Variants in RARB observed in about 807,000 individuals in gnomAD.
RARB encodes the protein HBV-activated protein.
A neutral mutation model predicts 51.9 loss-of-function variants in RARB; 17 were observed. That is an observed-to-expected ratio of 0.33 (90% CI 0.22 to 0.49). The LOEUF is 0.49. RARB is among the 20% of genes least tolerant of loss of function. The probability of loss-of-function intolerance (pLI) is 0.99; values close to 1 mark genes in which losing one functional copy is unlikely to be tolerated. For synonymous variants in RARB, 215 were observed against 195.4 expected, an observed-to-expected ratio of 1.10 and a Z score of -0.84; for missense variants, 369 against 550.8, an observed-to-expected ratio of 0.67 and a Z score of 3.30.
chr3:24,833,622 A>C (rs566323621), intron 1 of RARB, among the ~76,000 whole-genome samples: 6 of 152,352 alleles, frequency 3.9e-5, no homozygotes, highest in Non-Finnish European at 8.8e-5. Context: ...TATCACTACA[A>C]ACAACCTCCT....
chr3:25,265,969 G>T (rs1258097085), intron 5 of RARB, among the ~76,000 whole-genome samples: 1 of 152,008 alleles, frequency 6.6e-6, no homozygotes, highest in Non-Finnish European at 1.5e-5. Context: ...CTCAAAGCTG[G>T]CAACTCTCAA....
chr3:25,032,998 C>T (rs1697906777), intron 2 of RARB, among the ~76,000 whole-genome samples: 1 of 152,222 alleles, frequency 6.6e-6, no homozygotes, highest in Non-Finnish European at 1.5e-5. Context: ...TGTCCCTCAT[C>T]ACACATCAAC....
At position 25,413,749 on chromosome 3, in the gene RARB, A is replaced by G. The variant is rs115569807; in HGVS notation, c.179-47444A>G. The stretch of plus-strand genomic sequence containing the variant: ...CTTAAATTTTATTCCCTGATAACCA[A>G]TGAAGTTGATCATCTTTGCAACCAA... On this transcript the variant is annotated intron_variant, in intron 5 of 11. Coordinates refer to the RARB transcript ENST00000383772. Among the ~76,000 whole-genome samples, 682 of 152,236 alleles carry G rather than the reference A, an allele frequency of 4.5e-3. 7 individuals carry two copies. The highest frequency in any genetic ancestry group is 0.016 in the African/African-American group (654 of 41,528).
intron 5 of RARB, among the ~76,000 whole-genome samples, chr3:25,178,114 C>T (rs921882000): frequency 1.3e-5 from 2 of 151,862 alleles, no homozygotes; most frequent in African/African-American, 2.4e-5. Context: ...ACTCACAATT[C>T]GTAGGGGAAG....
intron 5 of RARB, among the ~76,000 whole-genome samples, chr3:25,339,522 G>C (rs955677866): frequency 6.6e-6 from 1 of 151,828 alleles, no homozygotes; most frequent in Admixed American, 6.6e-5. Context: ...TCAGGAGGCT[G>C]CTGGAATCGC....
chr3:24,890,996 A>G (rs1703367124), intron 2 of RARB, among the ~76,000 whole-genome samples: 1 of 152,224 alleles, frequency 6.6e-6, no homozygotes, highest in Non-Finnish European at 1.5e-5. Context: ...CTAGTAAGCC[A>G]TGGTGCAGCA....
intron 3 of RARB, among the ~76,000 whole-genome samples, chr3:25,110,352 A>AT (rs1382212161): frequency 6.6e-6 from 1 of 152,186 alleles, no homozygotes; most frequent in African/African-American, 2.4e-5. Context: ...TTAAGCCTTG[A>AT]TTTTGTCTCC....
chr3:25,179,539 G>A (rs1700821259), intron 5 of RARB, among the ~76,000 whole-genome samples: 2 of 152,112 alleles, frequency 1.3e-5, no homozygotes, highest in Admixed American at 1.3e-4. Flanking sequence ...TCCTTACATT[G>A]TTAAACCAAA....
intron 2 of RARB, among the ~76,000 whole-genome samples, chr3:24,980,949 G>A (rs549069461): frequency 1.3e-5 from 2 of 152,186 alleles, no homozygotes; most frequent in African/African-American, 4.8e-5. Context: ...ATGGGGTTTT[G>A]GTGTGGATGT....
intron 2 of RARB, among the ~76,000 whole-genome samples, chr3:24,863,049 A>C (rs879549403): frequency 7.9e-5 from 12 of 152,210 alleles, no homozygotes; most frequent in Admixed American, 6.5e-4. Flanking sequence ...ATGGCCAGAA[A>C]GGAGAATAGC....
chr3:25,108,279 G>A (rs745625030), intron 3 of RARB, among the ~76,000 whole-genome samples: 3 of 152,070 alleles, frequency 2.0e-5, no homozygotes, highest in Admixed American at 1.3e-4. Context: ...GGATAAGAGG[G>A]GACTACTGTA....
At chr3:25,511,465 A>G (rs534311012) in intron 3 of RARB, among the ~76,000 whole-genome samples, 5 of 152,172 alleles carry the variant, frequency 3.3e-5, no homozygotes, top group Admixed American at 1.3e-4. Flanking sequence ...CTTTCTATTT[A>G]TGGCAAATGA....
At chr3:25,025,517 C>T (rs2125287210) in intron 2 of RARB, among the ~76,000 whole-genome samples, 1 of 152,098 alleles carries the variant, frequency 6.6e-6, no homozygotes, top group South Asian at 2.1e-4. Context: ...ATGGAACTAG[C>T]CAGGATGGTA....
chr3:24,948,798 C>A (rs1695828448), intron 2 of RARB, among the ~76,000 whole-genome samples: 1 of 152,178 alleles, frequency 6.6e-6, no homozygotes, highest in Non-Finnish European at 1.5e-5. Flanking sequence ...CCTTCTCCCT[C>A]TCTTGCTTCC....
intron 5 of RARB, among the ~76,000 whole-genome samples, chr3:25,174,842 G>A (rs931972509): frequency 2.0e-5 from 3 of 152,142 alleles, no homozygotes; most frequent in Non-Finnish European, 1.5e-5. Flanking sequence ...GAGCATGTGT[G>A]GTTAATATCT....
chr3:25,136,094 T>G (rs1451412070), intron 4 of RARB, among the ~76,000 whole-genome samples: 1 of 151,968 alleles, frequency 6.6e-6, no homozygotes, highest in African/African-American at 2.4e-5. Context: ...TCTTAGAATA[T>G]AAGAATAACG....
intron 3 of RARB, among the ~76,000 whole-genome samples, chr3:25,560,047 A>G (rs997152881): frequency 8.5e-5 from 13 of 152,192 alleles, no homozygotes; most frequent in East Asian, 1.9e-4. Context: ...TAATTGACTA[A>G]TCATATCCAA....
chr3:25,064,989 C>T (rs552973433), intron 3 of RARB, among the ~76,000 whole-genome samples: 7 of 152,222 alleles, frequency 4.6e-5, no homozygotes, highest in African/African-American at 7.2e-5. Context: ...TCAAGGAGTT[C>T]GTGCATAGGA....
intron 2 of RARB, among the ~76,000 whole-genome samples, chr3:25,486,365 T>A (rs1257148961): frequency 6.6e-6 from 1 of 152,166 alleles, no homozygotes; most frequent in Non-Finnish European, 1.5e-5. Flanking sequence ...CAAAGCCAGT[T>A]AAAGGAAGAA....
Sources: gnomAD v4.1 joint callset for allele counts (sites outside exome capture counted in the v4.1 genomes callset) on GRCh38, gnomAD v4.1.1 for gene constraint, MANE v1.5 for transcripts, NCBI Gene and HGNC (gene_info 2026-07-23, HGNC 2026-07-21) for gene names.